Variants in TBCEL observed in about 807,000 individuals in gnomAD.
The protein encoded by TBCEL is tubulin-specific chaperone cofactor E-like protein.
Under a neutral mutation model 44.2 loss-of-function variants are expected in TBCEL, and 15 were observed. That is an observed-to-expected ratio of 0.34 (90% CI 0.23 to 0.52). The LOEUF is 0.52. Ranked by LOEUF, TBCEL falls within the 20% of genes least tolerant of loss-of-function variation. The probability of loss-of-function intolerance (pLI) is 0.95; values close to 1 mark genes in which losing one functional copy is unlikely to be tolerated. For synonymous variants in TBCEL, 171 were observed against 185.4 expected (o/e 0.92, Z 0.63); for missense variants, 319 against 506.3 (o/e 0.63, Z 3.55).
chr11:121,033,821 C>A (rs1051003108), intron 1 of TBCEL, among the ~76,000 whole-genome samples: 1 of 151,646 alleles, frequency 6.6e-6, no homozygotes, highest in African/African-American at 2.4e-5. Context: ...TCCCCGTGCC[C>A]TCTGGCTCCT....
chr11:121,086,876 A>G lies in TBCEL; in HGVS notation c.1055A>G (p.Asp352Gly), dbSNP rs1378697363. ...SSAKVEVHFN[D>G]QVEEMSIRLD... The stretch of plus-strand genomic sequence containing the variant: ...GCAAAAGTAGAAGTCCACTTTAACG[A>G]TCAGGTGGAAGAAATGAGCATTCGT... The change falls in exon 9 of 9, where the codon GAT becomes GGT. Residue 352 changes from aspartate to glycine, a missense_variant. Physicochemically the swap from Asp to Gly is moderately conservative, Grantham distance 94 (BLOSUM62 -1). Transcript: ENST00000683345. The G allele has an allele frequency of 9.3e-6, 15 of 1,614,082 alleles. No homozygotes were observed. Among genetic ancestry groups the G allele is most frequent in the African/African-American group, 1.3e-5 (1 of 75,044 alleles).
chr11:121,054,891 A>G (rs1565498300), intron 5 of TBCEL, 161 bp from the exon 6 acceptor site: 6 of 657,228 alleles, frequency 9.1e-6, no homozygotes, highest in African/African-American at 3.7e-5. Flanking sequence ...CTTCCCAGCT[A>G]TATTTTGAAC....
chr11:121,055,409 T>G (rs909279230), intron 6 of TBCEL, 101 bp downstream of exon 6: 94 of 1,273,674 alleles, frequency 7.4e-5, no homozygotes, highest in Non-Finnish European at 8.7e-5. Flanking sequence ...TTTACCTTTT[T>G]TAGAGTGAAT....
chr11:121,041,034 C>T (rs1291418938), intron 2 of TBCEL, among the ~76,000 whole-genome samples: 1 of 152,142 alleles, frequency 6.6e-6, no homozygotes, highest in Non-Finnish European at 1.5e-5. Flanking sequence ...TTGGAATTAG[C>T]TAGTGAGGCT....
intron 8 of TBCEL, among the ~76,000 whole-genome samples, chr11:121,067,517 A>G (rs1377506004): frequency 1.3e-5 from 2 of 152,238 alleles, no homozygotes; most frequent in African/African-American, 4.8e-5. Flanking sequence ...GCAATCAGCC[A>G]TATGTCTCAT....
intron 8 of TBCEL, among the ~76,000 whole-genome samples, chr11:121,079,971 C>T (rs1014575279): frequency 1.3e-5 from 2 of 152,094 alleles, no homozygotes; most frequent in Non-Finnish European, 2.9e-5. Context: ...CACACCACCA[C>T]GTCTGGCTAT....
chr11:121,047,896 G>C, intron 4 of TBCEL: 7 of 211,958 alleles, frequency 3.3e-5, no homozygotes, highest in Admixed American at 7.3e-5. Flanking sequence ...AGGAATTCAA[G>C]ACCAGTCTGG....
intron 1 of TBCEL, chr11:121,035,599 A>G (rs181692870): frequency 7.2e-5 from 11 of 152,160 alleles, no homozygotes; most frequent in Admixed American, 7.2e-4. Flanking sequence ...CTGTAGAGTG[A>G]TGAACTAGTG....
At chr11:121,084,056 C>T (rs996535972) in intron 8 of TBCEL, among the ~76,000 whole-genome samples, 21 of 152,138 alleles carry the variant, frequency 1.4e-4, no homozygotes, top group Non-Finnish European at 2.9e-4. Context: ...ACCAGGATAA[C>T]GGGTGGACTC....
chr11:121,025,727 T>TA lies in TBCEL; in HGVS notation c.-126+1436_-126+1437insA, dbSNP rs990875559. Reference sequence around the variant, plus strand: ...TTCTAAGGAGATGGATTTTTTTTTTTTTTATTTTATTTTGGCCGGGGGAGA... The same window carrying TA: ...TTCTAAGGAGATGGATTTTTTTTTTTATTTATTTTATTTTGGCCGGGGGAGA... On this transcript the variant is annotated intron_variant, in intron 1 of 8. Coordinates refer to ENST00000683345, the MANE Select transcript of TBCEL (RefSeq NM_001363644.2). 1.5e-4 allele frequency among the ~76,000 whole-genome samples: 23 copies of TA among 152,030 alleles called. No homozygotes were observed. The South Asian group carries it at 1.7e-3, about 11-fold the overall frequency.
At chr11:121,068,309 A>G (rs981817223) in intron 8 of TBCEL, among the ~76,000 whole-genome samples, 8 of 151,074 alleles carry the variant, frequency 5.3e-5, no homozygotes, top group African/African-American at 1.2e-4. Context: ...CCTTTTTTCA[A>G]TTATTCCAGT....
intron 1 of TBCEL, among the ~76,000 whole-genome samples, chr11:121,029,022 ATACTC>A (rs1455305032): frequency 5.9e-5 from 9 of 152,072 alleles, no homozygotes; most frequent in Non-Finnish European, 1.2e-4. Flanking sequence ...CATATACTCT[ATACTC>A]TACACCAACT....
intron 8 of TBCEL, among the ~76,000 whole-genome samples, chr11:121,081,956 C>A (rs1946133998): frequency 6.6e-6 from 1 of 151,958 alleles, no homozygotes; most frequent in East Asian, 1.9e-4. Flanking sequence ...GCTGGCCTTA[C>A]CTATAAATTA....
intron 4 of TBCEL, among the ~76,000 whole-genome samples, chr11:121,053,104 G>A (rs908640250): frequency 6.6e-6 from 1 of 151,704 alleles, no homozygotes; most frequent in African/African-American, 2.4e-5. Context: ...CACATGAATT[G>A]TTACCAGGTG....
At chr11:121,027,468 G>A (rs1009800827) in intron 1 of TBCEL, among the ~76,000 whole-genome samples, 7 of 152,066 alleles carry the variant, frequency 4.6e-5, no homozygotes, top group African/African-American at 1.7e-4. Context: ...TCCAGTACAG[G>A]CACTGAATAA....
At position 121,024,148 on chromosome 11, in the gene TBCEL, G is replaced by C. The variant is rs1162995047; in HGVS notation, c.-269G>C. On this transcript the variant is annotated 5_prime_UTR_variant, in exon 1 of 9. Transcript: ENST00000683345. ...ACTGGGCTCCGGCGGCCAGAGTGGG[G>C]GACTAGGTGAAGCGGCGCCGGGCCG... 1 of 153,258 alleles carries C rather than the reference G, an allele frequency of 6.5e-6. No individual in the cohort carries two copies. The highest frequency in any genetic ancestry group is 1.5e-5 in the Non-Finnish European group (1 of 68,554). 9.5% of individuals were successfully genotyped at this position (153,258 alleles called of 1,614,324 possible).
At chr11:121,063,621 A>T (rs1051945164) in intron 8 of TBCEL, among the ~76,000 whole-genome samples, 3 of 152,266 alleles carry the variant, frequency 2.0e-5, no homozygotes, top group African/African-American at 7.2e-5. Flanking sequence ...ACAAGCAATT[A>T]CATGAAACAG....
chr11:121,042,455 A>G lies in TBCEL; in HGVS notation c.-17-3219A>G, dbSNP rs573799429. Among the ~76,000 whole-genome samples, 4 of 152,272 alleles carry G rather than the reference A, an allele frequency of 2.6e-5. No individual in the cohort carries two copies. The South Asian group carries it at 8.3e-4, about 32-fold the overall frequency. On this transcript the variant is annotated intron_variant, in intron 2 of 8. Transcript: ENST00000683345. ...CCCTAGCTGAACACAACACAGTTCA[A>G]TTTTGACACACTCAGTGTTGGAATA...
At chr11:121,068,488 T>C (rs1209065653) in intron 8 of TBCEL, among the ~76,000 whole-genome samples, 1 of 152,150 alleles carries the variant, frequency 6.6e-6, no homozygotes, top group Non-Finnish European at 1.5e-5. Context: ...ACTTGTGTTA[T>C]TGTAGTAGCC....
Sources: allele counts gnomAD v4.1 joint callset (sites outside exome capture counted in the v4.1 genomes callset), GRCh38; gene constraint gnomAD v4.1.1; transcripts MANE v1.5; gene names NCBI Gene and HGNC (gene_info 2026-07-23, HGNC 2026-07-21).